The following CUBN variants were observed in gnomAD, a reference collection of about 807,000 sequenced individuals.
The protein encoded by CUBN is cubilin.
Under a neutral mutation model 405.3 loss-of-function variants are expected in CUBN, and 282 were observed. That is an observed-to-expected ratio of 0.70 (90% CI 0.63 to 0.77). The LOEUF is 0.77. CUBN is among the 30% of genes least tolerant of loss of function. The probability of loss-of-function intolerance (pLI) is 0.00; values close to 1 mark genes in which losing one functional copy is unlikely to be tolerated. For synonymous variants in CUBN, 1,684 were observed against 1,617.0 expected, an observed-to-expected ratio of 1.04 and a Z score of -0.99; for missense variants, 4,514 against 4,475.2, an observed-to-expected ratio of 1.01 and a Z score of -0.25.
intron 15 of CUBN, among the ~76,000 whole-genome samples, 190 bp from the exon 16 acceptor site, chr10:17,085,949 C>T (rs1177934341): frequency 6.6e-6 from 1 of 150,884 alleles, no homozygotes; most frequent in Non-Finnish European, 1.5e-5. Context: ...CACCCCAATG[C>T]CTTCTCTCTG....
At chr10:17,007,059 A>G (rs1834045971) in intron 28 of CUBN, among the ~76,000 whole-genome samples, 1 of 152,138 alleles carries the variant, frequency 6.6e-6, no homozygotes. Context: ...GGATTCCATC[A>G]CTAAGTGAAA....
chr10:16,835,481 C>T (rs1224311290), intron 63 of CUBN, among the ~76,000 whole-genome samples: 2 of 152,148 alleles, frequency 1.3e-5, no homozygotes, highest in South Asian at 4.1e-4. Context: ...ATCCTTTGAA[C>T]TTTTCTGATC....
chr10:17,118,798 A>G (rs1836964977), intron 6 of CUBN, among the ~76,000 whole-genome samples: 1 of 152,240 alleles, frequency 6.6e-6, no homozygotes, highest in Non-Finnish European at 1.5e-5. Context: ...GTGTCTTGAT[A>G]TGGCCTTTAA....
intron 5 of CUBN, 100 bp downstream of exon 5, chr10:17,123,488 C>A (rs1837092933): frequency 1.1e-6 from 1 of 946,168 alleles, no homozygotes; most frequent in South Asian, 1.4e-5. Context: ...GCCACAGAAT[C>A]CTAGAAACTT....
At position 16,997,432 on chromosome 10, in the gene CUBN, T is replaced by TAA. The variant is rs11464946; in HGVS notation, c.4169-6919_4169-6918dup. Among the ~76,000 whole-genome samples the TAA allele has an allele frequency of 4.8e-3, 585 of 122,640 alleles. 3 individuals are homozygous for TAA. The highest frequency in any genetic ancestry group is 0.01 in the South Asian group (38 of 3,632). The allele number at this position is 122,640 out of a possible 152,430, so 80.5% of individuals were successfully genotyped here. ...CCTGGCAACAGAGTGAGACTCCATC[T>TAA]AAAAAAAAAAAAAAAAAGGCAGCTT... On this transcript the variant is annotated intron_variant, in intron 28 of 66. Transcript: ENST00000377833.
chr10:16,937,261 G>A (rs1842535239), intron 39 of CUBN, among the ~76,000 whole-genome samples: 2 of 152,122 alleles, frequency 1.3e-5, no homozygotes, highest in East Asian at 1.9e-4. Flanking sequence ...AACTGATTGT[G>A]TGTGTGTGTG....
rs894050542 is a variant in CUBN, at chr10:16,876,905, C to T, written c.9098G>A (p.Arg3033Lys). The change falls in exon 57 of 67, where the codon AGG (arginine) becomes AAG (lysine). Residue 3033 changes from arginine (R) to lysine (K), a missense_variant. Physicochemically the swap from Arg to Lys is conservative, Grantham distance 26. This residue lies in a region of CUBN where 1,186 missense variants were observed against 1,186.9 expected (regional missense o/e 1.00). Transcript: ENST00000377833. ...ITDFGFKFSY[R>K]IISCGGVFNF... is the part of the protein sequence containing the mutation. ...TCATTATGGCTACTCACAGATTATCCTATAGGAAAACTTGAATCCGAAGTC... is the reference window on the plus strand; with the variant it reads ...TCATTATGGCTACTCACAGATTATCTTATAGGAAAACTTGAATCCGAAGTC... 3.1e-6 allele frequency: 5 copies of T among 1,613,790 alleles called. No individual in the cohort carries two copies. Among genetic ancestry groups the T allele is most frequent in the Non-Finnish European group, 4.2e-6 (5 of 1,179,792 alleles).
chr10:17,024,649 A>G (rs1834604915), intron 27 of CUBN, among the ~76,000 whole-genome samples: 1 of 152,088 alleles, frequency 6.6e-6, no homozygotes, highest in African/African-American at 2.4e-5. Context: ...AACTACAGGC[A>G]TGCAGTACCA....
intron 28 of CUBN, among the ~76,000 whole-genome samples, chr10:17,015,055 C>A (rs1834290809): frequency 6.6e-6 from 1 of 152,210 alleles, no homozygotes; most frequent in South Asian, 2.1e-4. Flanking sequence ...GCACTAGTCT[C>A]CAATGACCTT....
intron 66 of CUBN, among the ~76,000 whole-genome samples, chr10:16,827,777 T>A (rs1838830094): frequency 6.6e-6 from 1 of 152,220 alleles, no homozygotes. Context: ...ATTTTTGTAT[T>A]TTTAGTAGAG....
intron 22 of CUBN, among the ~76,000 whole-genome samples, chr10:17,058,098 G>T (rs556026634): frequency 6.6e-6 from 1 of 151,924 alleles, no homozygotes; most frequent in South Asian, 2.1e-4. Flanking sequence ...CTCCAGCCTG[G>T]GTGACAGAGA....
intron 41 of CUBN, among the ~76,000 whole-genome samples, chr10:16,927,790 C>T (rs185652776): frequency 4.6e-5 from 7 of 152,336 alleles, no homozygotes; most frequent in East Asian, 1.9e-4. Context: ...TAAATGATGA[C>T]GTTTTGCTCC....
At chr10:16,852,573 G>C (rs1839749434) in intron 59 of CUBN, among the ~76,000 whole-genome samples, 1 of 152,006 alleles carries the variant, frequency 6.6e-6, no homozygotes, top group Non-Finnish European at 1.5e-5. Flanking sequence ...GAGCCTTCAG[G>C]TGTCTCCTTC....
chr10:16,980,448 G>A (rs1272690379), intron 31 of CUBN, among the ~76,000 whole-genome samples: 1 of 152,172 alleles, frequency 6.6e-6, no homozygotes, highest in Admixed American at 6.5e-5. Flanking sequence ...ACCCAAATGT[G>A]CATCAATGAT....
chr10:16,834,305 C>A (rs1193689927), intron 64 of CUBN, among the ~76,000 whole-genome samples: 1 of 152,136 alleles, frequency 6.6e-6, no homozygotes, highest in African/African-American at 2.4e-5. Context: ...ATCGGGGGCA[C>A]TGGAGGACCC....
Position 16,925,248 on chromosome 10 carries a change from CTT to C in CUBN, c.6637_6638del (p.Lys2213GlufsTer12). ...CTCAGTGAAAATACTTACCTAAACT[CTT>C]TGCCTCATATTTGATTTTAAATCCT... ...GQGFKIKYEA[K>X]SLACGGNVYI... On this transcript the variant is annotated frameshift_variant, in exon 43 of 67. Transcript: ENST00000377833. LOFTEE classifies it high-confidence loss of function. 6.2e-7 allele frequency: 1 copy of C among 1,611,304 alleles called. No homozygotes were observed. Among genetic ancestry groups the C allele is most frequent in the Non-Finnish European group, 8.5e-7 (1 of 1,177,592 alleles).
In CUBN at chr10:17,084,446, C is replaced by T. The variant is rs1249661871; in HGVS notation, c.2126G>A (p.Gly709Asp). The T allele has an allele frequency of 1.2e-6, 2 of 1,613,292 alleles. No individual in the cohort carries two copies. The highest frequency in any genetic ancestry group is 3.3e-5 in the Admixed American group (2 of 59,948). The change falls in exon 17 of 67, where the codon GGT becomes GAT. Residue 709 changes from glycine to aspartate, a missense_variant. This residue lies in a region of CUBN where 1,448 missense variants were observed against 1,388.0 expected (regional missense o/e 1.04). Coordinates refer to ENST00000377833, the MANE Select transcript of CUBN (RefSeq NM_001081.4). ...ACCCTCTGGGTCCGTGTAGTTCCCACCACAACGCAGATCCGCTAAGAACAG... is the reference window on the plus strand; with the variant it reads ...ACCCTCTGGGTCCGTGTAGTTCCCATCACAACGCAGATCCGCTAAGAACAG... ...YLTSPSDLRC[G>D]GNYTDPEGEL...
rs781766270 is a variant in CUBN at position 16,904,133 on chromosome 10, C to T, written c.7913-18G>A. The T allele has an allele frequency of 6.8e-6, 11 of 1,612,478 alleles. No individual in the cohort carries two copies. Among genetic ancestry groups the T allele is most frequent in the Admixed American group, 5.0e-5 (3 of 59,990 alleles). ...AGCATCACCTGAACAAAATAATATA[C>T]CAAGTGCCATCATTGATACAGCTTT... On this transcript the variant is annotated intron_variant, in intron 50 of 66. Transcript: ENST00000377833.
chr10:16,959,690 G>C (rs1299330138), intron 31 of CUBN, among the ~76,000 whole-genome samples: 2 of 150,472 alleles, frequency 1.3e-5, no homozygotes, highest in Non-Finnish European at 3.0e-5. Flanking sequence ...AATTCCACAA[G>C]AAAAGCACTT....
Sources: allele counts gnomAD v4.1 joint callset (sites outside exome capture counted in the v4.1 genomes callset), GRCh38; gene constraint gnomAD v4.1.1; regional missense constraint gnomAD v4.1.1; transcripts MANE v1.5; gene names NCBI Gene and HGNC (gene_info 2026-07-23, HGNC 2026-07-21).